The following MAP3K14 variants were observed in gnomAD, a reference collection of about 807,000 sequenced individuals.
MAP3K14 encodes the protein NF-kappa-beta-inducing kinase.
Under a neutral mutation model 99.2 loss-of-function variants are expected in MAP3K14, and 16 were observed. That is an observed-to-expected ratio of 0.16 (90% CI 0.11 to 0.24). The LOEUF (loss-of-function observed/expected upper bound fraction) is 0.24. MAP3K14 is among the 10% of genes least tolerant of loss of function. The pLI is 1.00. For missense variants in MAP3K14, 784 were observed against 1,208.7 expected, an observed-to-expected ratio of 0.65 and a Z score of 5.21; for synonymous variants, 462 against 492.4, an observed-to-expected ratio of 0.94 and a Z score of 0.82.
intron 15 of MAP3K14, 76 bp from the exon 16 acceptor site, chr17:45,264,876 T>G: frequency 1.1e-5 from 16 of 1,474,200 alleles, no homozygotes; most frequent in African/African-American, 1.4e-5. Flanking sequence ...AGACATCTCC[T>G]TCCAGCCAGA....
At chr17:45,278,073 A>T (rs1775276558) in intron 6 of MAP3K14, among the ~76,000 whole-genome samples, 1 of 152,226 alleles carries the variant, frequency 6.6e-6, no homozygotes, top group South Asian at 2.1e-4. Flanking sequence ...CTTCATAAAC[A>T]GAACTGTTGG....
At chr17:45,310,840 T>A (rs1480709262) in intron 1 of MAP3K14, among the ~76,000 whole-genome samples, 3 of 152,212 alleles carry the variant, frequency 2.0e-5, no homozygotes, top group African/African-American at 7.2e-5. Context: ...CTCCTTTTGA[T>A]TACATGAACC....
intron 2 of MAP3K14, among the ~76,000 whole-genome samples, chr17:45,289,784 G>A (rs2044296221): frequency 6.6e-6 from 1 of 152,196 alleles, no homozygotes; most frequent in Non-Finnish European, 1.5e-5. Context: ...AGGAGGAAGT[G>A]GGAGACGAGG....
intron 6 of MAP3K14, among the ~76,000 whole-genome samples, chr17:45,276,279 T>A (rs73303259): frequency 0.012 from 1,832 of 152,298 alleles, 39 homozygotes; most frequent in African/African-American, 0.042. Flanking sequence ...AGGCCTTGGA[T>A]ATAAACATCT....
Position 45,289,276 on chromosome 17 carries a change from A to G in MAP3K14, c.286T>C (p.Phe96Leu). ...CENSQEFSPT[F>L]SERIFIAGSK... ...CCAGCGATGAAAATGCGTTCTGAAA[A>G]GGTGGGGCTGAACTCTTGGCTATTC... Residue 96 changes from phenylalanine (F) to leucine (L), a missense_variant, in exon 3 of 16, where the codon TTT becomes CTT. This residue lies in a region of MAP3K14 where 188 missense variants were observed against 313.0 expected (regional missense o/e 0.60). Coordinates refer to ENST00000344686, the MANE Select transcript of MAP3K14 (RefSeq NM_003954.5). The G allele has an allele frequency of 6.2e-7, 1 of 1,613,994 alleles. No homozygotes were observed. Among genetic ancestry groups the G allele is most frequent in the Non-Finnish European group, 8.5e-7 (1 of 1,179,858 alleles).
At chr17:45,293,636 C>T (rs1446608822) in intron 1 of MAP3K14, among the ~76,000 whole-genome samples, 1 of 152,178 alleles carries the variant, frequency 6.6e-6, no homozygotes, top group Non-Finnish European at 1.5e-5. Context: ...ACAGGCTGAC[C>T]CTCACCTCTC....
In MAP3K14 at chr17:45,274,221, C is replaced by T; in HGVS notation, c.1454G>A (p.Gly485Asp). The T allele has an allele frequency of 6.3e-7, 1 of 1,598,856 alleles. No individual in the cohort carries two copies. ...GSLGQLVKEQ[G>D]CLPEDRALYY... ...CAGGGCCCGGTCCTCTGGGAGACAG[C>T]CCTGCTCCTTGACCAGCTGGCCCAG... The change falls in exon 8 of 16, where the codon GGC becomes GAC. Residue 485 changes from glycine (G) to aspartate (D), a missense_variant. Physicochemically the swap from Gly to Asp is moderately conservative, Grantham distance 94. Around this residue, in one of 5 missense-constraint regions of MAP3K14, gnomAD observed 200 missense variants for 367.9 expected, o/e 0.54. Transcript: ENST00000344686.
intron 1 of MAP3K14, among the ~76,000 whole-genome samples, chr17:45,296,764 C>T (rs1400504137): frequency 6.6e-6 from 1 of 152,226 alleles, no homozygotes; most frequent in Non-Finnish European, 1.5e-5. Context: ...TGATTCTCTT[C>T]TTCTGCCCAC....
intron 1 of MAP3K14, 48 bp from the exon 2 acceptor site, chr17:45,290,813 G>T: frequency 1.3e-6 from 2 of 1,568,382 alleles, no homozygotes; most frequent in South Asian, 2.3e-5. Flanking sequence ...CCCAGACCTG[G>T]GAGAACACAG....
chr17:45,312,088 C>T (rs2044484714), intron 1 of MAP3K14, among the ~76,000 whole-genome samples: 1 of 152,252 alleles, frequency 6.6e-6, no homozygotes, highest in African/African-American at 2.4e-5. Context: ...CGAAGGTCTG[C>T]TCAGGACTTT....
chr17:45,268,977 C>A (rs2044120965), intron 11 of MAP3K14, among the ~76,000 whole-genome samples: 1 of 152,124 alleles, frequency 6.6e-6, no homozygotes, highest in Non-Finnish European at 1.5e-5. Flanking sequence ...CACCAACTTT[C>A]TGCTTTTTTC....
At chr17:45,274,368 C>A in intron 7 of MAP3K14, 96 bp downstream of exon 7, 1 of 1,581,598 alleles carries the variant, frequency 6.3e-7, no homozygotes, top group Non-Finnish European at 8.6e-7. Context: ...AAGAGGTTAA[C>A]AATGGATAGA....
At chr17:45,284,022 T>C (rs1055919548) in intron 6 of MAP3K14, among the ~76,000 whole-genome samples, 2 of 152,152 alleles carry the variant, frequency 1.3e-5, no homozygotes, top group Admixed American at 6.5e-5. Flanking sequence ...TGGGCCCGGA[T>C]AGTGTGATCT....
intron 1 of MAP3K14, among the ~76,000 whole-genome samples, chr17:45,291,182 C>T (rs1456606059): frequency 6.6e-6 from 1 of 152,198 alleles, no homozygotes; most frequent in Non-Finnish European, 1.5e-5. Context: ...CATGGCCTCA[C>T]TGACCCCACA....
chr17:45,264,790 G>A lies in MAP3K14; in HGVS notation c.2690C>T (p.Ala897Val), dbSNP rs1168723986. The A allele has an allele frequency of 1.9e-6, 3 of 1,613,272 alleles. No individual in the cohort carries two copies. Among genetic ancestry groups the A allele is most frequent in the African/African-American group, 1.3e-5 (1 of 75,044 alleles). The change falls in exon 16 of 16, where the codon GCA becomes GTA. Residue 897 changes from alanine to valine, a missense_variant. Physicochemically the swap from Ala to Val is moderately conservative, Grantham distance 64. Coordinates refer to ENST00000344686, the MANE Select transcript of MAP3K14 (RefSeq NM_003954.5). ...ATGISSQIPA[A>V]AFSLVTKDGQ... Reference sequence around the variant, plus strand: ...GTCTTTGGTGACCAAGCTGAAGGCTGCAGCTGGGATCTAAGGGTGGAGCAA... The same window carrying A: ...GTCTTTGGTGACCAAGCTGAAGGCTACAGCTGGGATCTAAGGGTGGAGCAA...
chr17:45,278,235 C>G (rs1344803958), intron 6 of MAP3K14, among the ~76,000 whole-genome samples: 1 of 152,114 alleles, frequency 6.6e-6, no homozygotes, highest in African/African-American at 2.4e-5. Flanking sequence ...TTTCCAACCA[C>G]CCAGACCAAA....
intron 9 of MAP3K14, 85 bp from the exon 10 acceptor site, chr17:45,271,306 G>A: frequency 8.2e-7 from 1 of 1,216,516 alleles, no homozygotes; most frequent in Non-Finnish European, 1.2e-6. Context: ...AATCCTCGGG[G>A]TATCTTACAT....
intron 15 of MAP3K14, 115 bp downstream of exon 15, chr17:45,265,048 C>T (rs1335172218): frequency 1.1e-6 from 1 of 929,682 alleles, no homozygotes; most frequent in Non-Finnish European, 1.7e-6. Context: ...AAGGCCAATT[C>T]CAAGTATTCC....
chr17:45,295,108 C>G (rs1412546466), intron 1 of MAP3K14, among the ~76,000 whole-genome samples: 22 of 152,194 alleles, frequency 1.4e-4, no homozygotes, highest in Admixed American at 1.4e-3. Context: ...TTAATCTTCA[C>G]AGATGATAAC....
Sources: allele counts gnomAD v4.1 joint callset (sites outside exome capture counted in the v4.1 genomes callset), GRCh38; gene constraint gnomAD v4.1.1; regional missense constraint gnomAD v4.1.1; transcripts MANE v1.5; gene names NCBI Gene and HGNC (gene_info 2026-07-23, HGNC 2026-07-21).